Variants in KIAA1217 observed in about 807,000 individuals in gnomAD.
KIAA1217 encodes the protein sickle tail protein homolog.
In KIAA1217, 88 loss-of-function variants were observed where a neutral mutation model predicts 163.9. The ratio of observed to expected loss-of-function variants is 0.54; its 90% confidence interval spans 0.45 to 0.64. The LOEUF is 0.64. Ranked by LOEUF, KIAA1217 falls within the 30% of genes least tolerant of loss-of-function variation. The pLI is 0.00. For missense variants in KIAA1217, 2,372 were observed against 2,475.0 expected (o/e 0.96, Z 0.88); for synonymous variants, 903 against 923.1 (o/e 0.98, Z 0.39).
chr10:24,368,842 T>G (rs1424119884), intron 2 of KIAA1217: 1 of 984,510 alleles, frequency 1.0e-6, no homozygotes, highest in African/African-American at 1.7e-5. Context: ...ACCAGCTTAC[T>G]ACCTAAGGAA....
At chr10:24,418,381 ACTTG>A (rs1288453901) in intron 3 of KIAA1217, among the ~76,000 whole-genome samples, 12 of 152,074 alleles carry the variant, frequency 7.9e-5, no homozygotes, top group Admixed American at 3.3e-4. Context: ...TTCTCCCCCA[ACTTG>A]AGGACCAAAC....
chr10:23,939,065 G>A (rs1843650964), intron 1 of KIAA1217, among the ~76,000 whole-genome samples: 1 of 152,148 alleles, frequency 6.6e-6, no homozygotes, highest in African/African-American at 2.4e-5. Context: ...GATAGGTTGT[G>A]CTAAGTTAAA....
At chr10:24,129,273 A>T (rs562314400) in intron 2 of KIAA1217, among the ~76,000 whole-genome samples, 2 of 89,082 alleles carry the variant, frequency 2.2e-5, no homozygotes, top group East Asian at 1.3e-3. Context: ...AAAAACTTAT[A>T]GTCATTACCT....
chr10:24,361,803 G>A (rs1253487100), intron 2 of KIAA1217, among the ~76,000 whole-genome samples: 7 of 151,760 alleles, frequency 4.6e-5, no homozygotes, highest in Non-Finnish European at 1.5e-5. Context: ...GTGAAACCCC[G>A]TCTCTACTAA....
At chr10:24,082,698 A>G (rs1011255442) in intron 2 of KIAA1217, among the ~76,000 whole-genome samples, 20 of 152,212 alleles carry the variant, frequency 1.3e-4, no homozygotes, top group African/African-American at 4.3e-4. Flanking sequence ...TAGTGCTGCA[A>G]TGAACATATG....
At chr10:24,059,979 A>G (rs1486620024) in intron 2 of KIAA1217, among the ~76,000 whole-genome samples, 1 of 152,190 alleles carries the variant, frequency 6.6e-6, no homozygotes, top group Admixed American at 6.5e-5. Flanking sequence ...GTCTCTTACA[A>G]TCTATTCATA....
At chr10:23,814,782 C>T (rs1271420779) in intron 1 of KIAA1217, among the ~76,000 whole-genome samples, 3 of 151,186 alleles carry the variant, frequency 2.0e-5, no homozygotes. Flanking sequence ...ATGCATTGTT[C>T]TTTATTTCTG....
chr10:24,069,375 C>T (rs1201201002), intron 2 of KIAA1217, among the ~76,000 whole-genome samples: 1 of 152,136 alleles, frequency 6.6e-6, no homozygotes, highest in Non-Finnish European at 1.5e-5. Flanking sequence ...GTAATGAGTG[C>T]CTGCTTGCTG....
chr10:23,973,367 C>T (rs1845404182), intron 1 of KIAA1217, among the ~76,000 whole-genome samples: 1 of 152,216 alleles, frequency 6.6e-6, no homozygotes, highest in African/African-American at 2.4e-5. Context: ...ACCTGTTTCA[C>T]AGATTAGGAA....
intron 1 of KIAA1217, among the ~76,000 whole-genome samples, chr10:23,987,170 G>A (rs1846006643): frequency 6.6e-6 from 1 of 152,142 alleles, no homozygotes; most frequent in East Asian, 1.9e-4. Flanking sequence ...GAGGTCAGGA[G>A]ATCGAGACCA....
chr10:23,767,938 C>A (rs756085719), intron 1 of KIAA1217, among the ~76,000 whole-genome samples: 2 of 152,152 alleles, frequency 1.3e-5, no homozygotes, highest in Admixed American at 6.5e-5. Context: ...TGAATTTGGG[C>A]AGTACACGCT....
At chr10:23,865,707 G>GTATTCTATA (rs1321358897) in intron 1 of KIAA1217, among the ~76,000 whole-genome samples, 2 of 151,460 alleles carry the variant, frequency 1.3e-5, no homozygotes, top group Non-Finnish European at 2.9e-5. Context: ...ATTTATTTTT[G>GTATTCTATA]TATTCTATAT....
At chr10:23,893,267 G>C (rs903319120) in intron 1 of KIAA1217, among the ~76,000 whole-genome samples, 3 of 152,050 alleles carry the variant, frequency 2.0e-5, no homozygotes, top group African/African-American at 4.8e-5. Context: ...AGATTTTCTA[G>C]TTTATTTGCA....
At chr10:24,179,601 T>C (rs969903881) in intron 2 of KIAA1217, among the ~76,000 whole-genome samples, 1 of 152,180 alleles carries the variant, frequency 6.6e-6, no homozygotes, top group African/African-American at 2.4e-5. Flanking sequence ...TTTTCTTTTT[T>C]TTTCTGAGAT....
intron 1 of KIAA1217, among the ~76,000 whole-genome samples, chr10:23,938,350 C>G (rs1843619478): frequency 6.6e-6 from 1 of 151,946 alleles, no homozygotes; most frequent in African/African-American, 2.4e-5. Flanking sequence ...TAAATGCAAG[C>G]CTTGATTGAA....
In KIAA1217 at chr10:24,224,268, A is replaced by G. The variant is rs145953284; in HGVS notation, c.354+4359A>G. The stretch of plus-strand genomic sequence containing the variant: ...CTTGGTTTGGATGCAGGTGGGACTC[A>G]TCAGGATCCAGCCTTCACAATATGC... On this transcript the variant is annotated intron_variant, in intron 2 of 20. Coordinates refer to ENST00000376454, the MANE Select transcript of KIAA1217 (RefSeq NM_019590.5). Among the ~76,000 whole-genome samples, 316 of 152,330 alleles carry G rather than the reference A, an allele frequency of 2.1e-3. 3 individuals carry two copies. The South Asian group carries it at 0.022, about 10-fold the overall frequency.
chr10:23,833,490 A>G (rs11013737), intron 1 of KIAA1217, among the ~76,000 whole-genome samples: 2,676 of 152,028 alleles, frequency 0.018, 75 homozygotes, highest in African/African-American at 0.061. Context: ...AAAAAAAAAA[A>G]AAAAAACTAA....
intron 2 of KIAA1217, among the ~76,000 whole-genome samples, chr10:24,037,586 A>G (rs1473515896): frequency 2.6e-5 from 4 of 152,226 alleles, no homozygotes; most frequent in Non-Finnish European, 5.9e-5. Flanking sequence ...TCAGTATGGA[A>G]GTCTTAGGCT....
chr10:24,418,499 G>C lies in KIAA1217; in HGVS notation c.554-14496G>C, dbSNP rs146165329. Among the ~76,000 whole-genome samples, 66 of 152,184 alleles carry C rather than the reference G, an allele frequency of 4.3e-4. No homozygotes were observed. In the East Asian group the frequency reaches 0.012, roughly 27 times the overall value. On this transcript the variant is annotated intron_variant, in intron 3 of 20. Coordinates refer to ENST00000376454, the MANE Select transcript of KIAA1217 (RefSeq NM_019590.5). ...ACATTGATGCTTTTTAAATCTACACGCAAATTACATAAAAAATAGCACTTC... is the reference window on the plus strand; with the variant it reads ...ACATTGATGCTTTTTAAATCTACACCCAAATTACATAAAAAATAGCACTTC...
Sources: allele counts gnomAD v4.1 joint callset (sites outside exome capture counted in the v4.1 genomes callset), GRCh38; gene constraint gnomAD v4.1.1; transcripts MANE v1.5; gene names NCBI Gene and HGNC (gene_info 2026-07-23, HGNC 2026-07-21).